CREB5: variants seen among roughly 807,000 people sequenced by gnomAD.
CREB5 encodes cAMP responsive element binding protein 5.
A neutral mutation model predicts 57.1 loss-of-function variants in CREB5; 19 were observed. The observed-to-expected ratio is 0.33, with a 90% confidence interval of 0.23 to 0.49. CREB5 has a LOEUF of 0.49. CREB5 is among the 20% of genes least tolerant of loss of function. CREB5 has a pLI of 0.99. For missense variants in CREB5, 579 were observed against 671.6 expected (o/e 0.86, Z 1.52); for synonymous variants, 238 against 238.3 (o/e 1.00, Z 0.01).
chr7:28,705,364 CAAA>C (rs10686098), intron 5 of CREB5, among the ~76,000 whole-genome samples: 1 of 93,040 alleles, frequency 1.1e-5, no homozygotes, highest in Non-Finnish European at 2.2e-5. Flanking sequence ...GACTCTGACT[CAAA>C]AAAAAAAAAA....
chr7:28,427,902 G>A (rs1788570639), intron 1 of CREB5, among the ~76,000 whole-genome samples: 1 of 152,094 alleles, frequency 6.6e-6, no homozygotes, highest in African/African-American at 2.4e-5. Flanking sequence ...ACTCTTCCAG[G>A]TTCTAAGGAT....
intron 1 of CREB5, among the ~76,000 whole-genome samples, chr7:28,353,756 T>G (rs892279181): frequency 4.7e-5 from 7 of 149,592 alleles, no homozygotes; most frequent in African/African-American, 1.7e-4. Flanking sequence ...GGCAGGAGAA[T>G]GGCGTGAACC....
chr7:28,351,392 A>T (rs1474244138), intron 1 of CREB5, among the ~76,000 whole-genome samples: 1 of 152,206 alleles, frequency 6.6e-6, no homozygotes, highest in East Asian at 1.9e-4. Context: ...ATACTGCTAG[A>T]CTACGTGAAG....
intron 1 of CREB5, among the ~76,000 whole-genome samples, chr7:28,339,231 C>T (rs1785885696): frequency 6.6e-6 from 1 of 152,086 alleles, no homozygotes; most frequent in Non-Finnish European, 1.5e-5. Flanking sequence ...GTTGAAGTCT[C>T]ACAGTATGGG....
chr7:28,300,269 G>T (rs986595665), intron 1 of CREB5, among the ~76,000 whole-genome samples: 1 of 151,922 alleles, frequency 6.6e-6, no homozygotes, highest in Non-Finnish European at 1.5e-5. Flanking sequence ...TTTACACACT[G>T]ACTGAATGGG....
Position 28,497,273 on chromosome 7 carries a change from C to T in CREB5, c.169+2274C>T, listed in dbSNP as rs141484066. The stretch of plus-strand genomic sequence containing the variant: ...AGCTGAAGATGTGTGAACACTGAAA[C>T]GAAGCATTCTTCTATATAGTGCCTA... On this transcript the variant is annotated intron_variant, in intron 3 of 10. Coordinates refer to ENST00000357727, the MANE Select transcript of CREB5 (RefSeq NM_182898.4). Among the ~76,000 whole-genome samples the T allele has an allele frequency of 3.9e-3, 597 of 152,314 alleles. 3 individuals carry two copies. Among genetic ancestry groups the T allele is most frequent in the Middle Eastern group, 0.02 (6 of 294 alleles).
At chr7:28,700,027 A>G (rs1384211317) in intron 5 of CREB5, among the ~76,000 whole-genome samples, 2 of 152,196 alleles carry the variant, frequency 1.3e-5, no homozygotes, top group African/African-American at 2.4e-5. Flanking sequence ...CATCACCTAA[A>G]TGGGACGTAC....
intron 7 of CREB5, among the ~76,000 whole-genome samples, chr7:28,737,398 T>C (rs2128754385): frequency 6.6e-6 from 1 of 151,620 alleles, no homozygotes; most frequent in African/African-American, 2.4e-5. Flanking sequence ...TCTTCCCCCC[T>C]CTGTTCCTCA....
intron 5 of CREB5, among the ~76,000 whole-genome samples, chr7:28,577,688 T>A (rs1795955166): frequency 6.6e-6 from 1 of 152,220 alleles, no homozygotes; most frequent in African/African-American, 2.4e-5. Context: ...GAAACTTAAC[T>A]TTCCCAGGTT....
chr7:28,342,421 TAAAAGTGC>T (rs1185896517), intron 1 of CREB5, among the ~76,000 whole-genome samples: 1 of 152,138 alleles, frequency 6.6e-6, no homozygotes, highest in African/African-American at 2.4e-5. Flanking sequence ...CTAATACTGG[TAAAAGTGC>T]AAAGTTTAAA....
At chr7:28,415,304 C>A (rs538142080) in intron 1 of CREB5, among the ~76,000 whole-genome samples, 1 of 152,098 alleles carries the variant, frequency 6.6e-6, no homozygotes, top group African/African-American at 2.4e-5. Flanking sequence ...ACAGAAGAGA[C>A]CCCTGGCTCA....
chr7:28,558,242 G>A (rs1284193504), intron 4 of CREB5, among the ~76,000 whole-genome samples: 1 of 152,188 alleles, frequency 6.6e-6, no homozygotes, highest in Non-Finnish European at 1.5e-5. Flanking sequence ...TGTTAATGAC[G>A]ACTAAGTTTG....
rs1809734735 is a variant in CREB5, at chr7:28,821,039, T to C, written c.*1760T>C. 1 of 152,510 alleles carries C rather than the reference T, an allele frequency of 6.6e-6. No homozygotes were observed. The highest frequency in any genetic ancestry group is 1.5e-5 in the Non-Finnish European group (1 of 68,018). 9.4% of individuals were successfully genotyped at this position (152,510 alleles called of 1,614,324 possible). A position where few individuals can be genotyped will look rare whatever the true frequency, so the allele number is the denominator to read the frequency against. On this transcript the variant is annotated 3_prime_UTR_variant, in exon 11 of 11. Coordinates refer to ENST00000357727, the MANE Select transcript of CREB5 (RefSeq NM_182898.4). The stretch of plus-strand genomic sequence containing the variant: ...ACTGTGCTAATGTTTTAATATCACA[T>C]CTCACAAATAACAGGGGTGAATGTT...
chr7:28,534,333 C>G lies in CREB5; in HGVS notation c.291+26596C>G, dbSNP rs191357324. Among the ~76,000 whole-genome samples the G allele has an allele frequency of 2.1e-4, 32 of 152,316 alleles. No homozygotes were observed. The East Asian group carries it at 6.2e-3, about 29-fold the overall frequency. On this transcript the variant is annotated intron_variant, in intron 4 of 10. Transcript: ENST00000357727. Reference sequence around the variant, plus strand: ...CTAGGAAGGGCAATAGATGCTCTGGCCTCTGTGTCTCAGCCCACCCTGCGT... The same window carrying G: ...CTAGGAAGGGCAATAGATGCTCTGGGCTCTGTGTCTCAGCCCACCCTGCGT...
intron 5 of CREB5, among the ~76,000 whole-genome samples, chr7:28,609,830 G>A (rs554444944): frequency 2.5e-4 from 38 of 152,368 alleles, no homozygotes; most frequent in Non-Finnish European, 4.8e-4. Flanking sequence ...CGTGGAGGAT[G>A]ATGTTAGAGA....
At chr7:28,316,946 C>T (rs1207601658) in intron 1 of CREB5, among the ~76,000 whole-genome samples, 4 of 151,454 alleles carry the variant, frequency 2.6e-5, no homozygotes, top group African/African-American at 9.7e-5. Flanking sequence ...ACTGTTGGGT[C>T]AACAATAAAT....
At chr7:28,667,550 A>T (rs999693537) in intron 5 of CREB5, among the ~76,000 whole-genome samples, 1 of 151,976 alleles carries the variant, frequency 6.6e-6, no homozygotes, top group Non-Finnish European at 1.5e-5. Context: ...TTTCTTTGGG[A>T]TGGGAATCAT....
intron 1 of CREB5, among the ~76,000 whole-genome samples, chr7:28,360,290 C>A (rs1404530556): frequency 6.6e-6 from 1 of 152,138 alleles, no homozygotes; most frequent in Non-Finnish European, 1.5e-5. Context: ...TAGCATTATT[C>A]ACAATATCCA....
chr7:28,516,209 A>AT (rs1000437338), intron 4 of CREB5, among the ~76,000 whole-genome samples: 9 of 151,764 alleles, frequency 5.9e-5, no homozygotes, highest in Admixed American at 1.3e-4. Flanking sequence ...GACACCTTGT[A>AT]TTTTTTTTAA....
Sources: allele counts gnomAD v4.1 joint callset (sites outside exome capture counted in the v4.1 genomes callset), GRCh38; gene constraint gnomAD v4.1.1; transcripts MANE v1.5; gene names NCBI Gene and HGNC (gene_info 2026-07-23, HGNC 2026-07-21).